ZNF536: variants seen among roughly 807,000 people sequenced by gnomAD.
The protein encoded by ZNF536 is zinc finger protein 536.
Under a neutral mutation model 84.5 loss-of-function variants are expected in ZNF536, and 13 were observed. The ratio of observed to expected loss-of-function variants is 0.15; its 90% CI spans 0.10 to 0.24. ZNF536 has a LOEUF of 0.24. ZNF536 is among the 10% of genes least tolerant of loss of function. ZNF536 has a pLI of 1.00. For missense variants in ZNF536, 1,536 were observed against 1,747.5 expected, an observed-to-expected ratio of 0.88 and a Z score of 2.16; for synonymous variants, 811 against 742.5, an observed-to-expected ratio of 1.09 and a Z score of -1.50.
At chr19:30,563,618 A>G (rs2046251140) in intron 1 of ZNF536, among the ~76,000 whole-genome samples, 1 of 152,186 alleles carries the variant, frequency 6.6e-6, no homozygotes. Flanking sequence ...ATCACCTCTA[A>G]TTTGCACAGG....
intron 1 of ZNF536, among the ~76,000 whole-genome samples, chr19:30,429,596 C>G (rs1355403392): frequency 1.3e-5 from 2 of 152,142 alleles, no homozygotes; most frequent in Non-Finnish European, 2.9e-5. Flanking sequence ...TCACCTGATC[C>G]TTTTTCGAGT....
chr19:30,381,284 T>TGG (rs1388387404), intron 1 of ZNF536, among the ~76,000 whole-genome samples: 1 of 152,206 alleles, frequency 6.6e-6, no homozygotes, highest in Non-Finnish European at 1.5e-5. Context: ...GGCACTGTGC[T>TGG]GGGGACTGGG....
In ZNF536 at chr19:30,405,990, T is replaced by C. The variant is rs2050248151; in HGVS notation, c.-3+33434T>C. 1.3e-5 allele frequency among the ~76,000 whole-genome samples: 2 copies of C among 152,170 alleles called. 1 individual carries two copies. The highest frequency in any genetic ancestry group is 4.1e-4 in the South Asian group (2 of 4,828). On this transcript the variant is annotated intron_variant, in intron 1 of 4. Transcript: ENST00000355537. ...ACGGGATTTACCATGTTGTCCAAGC[T>C]GGTCTTAAACTCCTGACCTCAGGAG...
At chr19:30,685,260 C>T (rs186558168) in intron 1 of ZNF536, among the ~76,000 whole-genome samples, 222 of 152,314 alleles carry the variant, frequency 1.5e-3, no homozygotes, top group African/African-American at 5.0e-3. Flanking sequence ...CTTCATCTTC[C>T]ACAGGGATGC....
At chr19:30,612,282 T>C (rs541324339) in intron 1 of ZNF536, among the ~76,000 whole-genome samples, 5 of 152,250 alleles carry the variant, frequency 3.3e-5, no homozygotes, top group Non-Finnish European at 7.4e-5. Context: ...TCCCCCCAAA[T>C]CCAGTAGGGT....
At chr19:30,624,939 C>T (rs1401220189) in intron 1 of ZNF536, among the ~76,000 whole-genome samples, 1 of 152,162 alleles carries the variant, frequency 6.6e-6, no homozygotes, top group Non-Finnish European at 1.5e-5. Flanking sequence ...TCTCCTGCTG[C>T]CTTGTGAAAA....
At chr19:30,587,424 G>C (rs934465462) in intron 1 of ZNF536, among the ~76,000 whole-genome samples, 1 of 152,062 alleles carries the variant, frequency 6.6e-6, no homozygotes, top group East Asian at 1.9e-4. Flanking sequence ...CCCATTCTCC[G>C]AGCCACTTAA....
intron 2 of ZNF536, among the ~76,000 whole-genome samples, chr19:30,288,786 A>C (rs944113760): frequency 1.3e-5 from 2 of 152,232 alleles, no homozygotes; most frequent in Non-Finnish European, 2.9e-5. Flanking sequence ...GGTTCAAAGT[A>C]GGCATTTAGT....
chr19:30,690,575 C>T (rs1395462935), intron 1 of ZNF536, among the ~76,000 whole-genome samples: 1 of 152,126 alleles, frequency 6.6e-6, no homozygotes, highest in Admixed American at 6.5e-5. Context: ...GATTCACTGG[C>T]ACTAAATGGC....
At position 30,452,012 on chromosome 19, in the gene ZNF536, C is replaced by T. The variant is rs145527887; in HGVS notation, c.2170+6280C>T. On this transcript the variant is annotated intron_variant, in intron 2 of 4. Transcript: ENST00000355537. ...ATTGACTCGAATGGGAGGTTCCAGG[C>T]TCAGGTCTTGACCACCACCTTGGGT... Among the ~76,000 whole-genome samples, 315 of 152,334 alleles carry T rather than the reference C, an allele frequency of 2.1e-3. 1 individual carries two copies. Among genetic ancestry groups the T allele is most frequent in the Middle Eastern group, 0.017 (5 of 294 alleles).
intron 3 of ZNF536, among the ~76,000 whole-genome samples, chr19:30,356,830 C>T (rs2048111284): frequency 1.3e-5 from 2 of 152,226 alleles, no homozygotes; most frequent in African/African-American, 4.8e-5. Context: ...ATTCCATTTT[C>T]CAGATGTGGG....
At chr19:30,650,420 C>A (rs990808505) in intron 1 of ZNF536, among the ~76,000 whole-genome samples, 1 of 152,174 alleles carries the variant, frequency 6.6e-6, no homozygotes, top group Admixed American at 6.5e-5. Context: ...GATTTCTCTC[C>A]TTTTCTTGTT....
chr19:30,671,775 CA>C (rs1235413135), intron 1 of ZNF536, among the ~76,000 whole-genome samples: 6 of 152,186 alleles, frequency 3.9e-5, no homozygotes, highest in Admixed American at 3.3e-4. Context: ...CAAACAGCCT[CA>C]ACTTGGGTGG....
At chr19:30,485,061 G>A (rs1350569605) in intron 2 of ZNF536, among the ~76,000 whole-genome samples, 4 of 151,984 alleles carry the variant, frequency 2.6e-5, no homozygotes, top group African/African-American at 9.7e-5. Flanking sequence ...GGAGAATGGT[G>A]TGAACCCGGA....
rs186288369 is a variant in ZNF536 at position 30,397,042 on chromosome 19, A to G, written c.-3+24486A>G. On this transcript the variant is annotated intron_variant, in intron 1 of 4. Coordinates refer to ENST00000355537, the MANE Select transcript of ZNF536 (RefSeq NM_014717.3). ...TGGCCCTTCCACATCCTATAACTCT[A>G]TGGCTGCAAACCTGGGCACTTAATA... Among the ~76,000 whole-genome samples, 676 of 152,226 alleles carry G rather than the reference A, an allele frequency of 4.4e-3. 3 individuals carry two copies. The highest frequency in any genetic ancestry group is 7.2e-3 in the Non-Finnish European group (491 of 68,008).
At chr19:30,351,192 A>C (rs1371497882) in intron 2 of ZNF536, among the ~76,000 whole-genome samples, 3 of 152,196 alleles carry the variant, frequency 2.0e-5, no homozygotes, top group African/African-American at 7.2e-5. Flanking sequence ...AGTATTTTCT[A>C]AATGCTATTA....
chr19:30,499,912 G>A (rs1053353362), intron 2 of ZNF536, among the ~76,000 whole-genome samples: 1 of 152,094 alleles, frequency 6.6e-6, no homozygotes, highest in African/African-American at 2.4e-5. Flanking sequence ...GAAATGAAGT[G>A]TTCCTCCCCT....
chr19:30,316,136 G>GA (rs2046671380), intron 2 of ZNF536, among the ~76,000 whole-genome samples: 1 of 152,176 alleles, frequency 6.6e-6, no homozygotes, highest in Admixed American at 6.5e-5. Context: ...TAGATTCCTA[G>GA]AAGTAGCATT....
rs562520402 is a variant in ZNF536, at chr19:30,623,140, C to A, written c.169+73626C>A. Among the ~76,000 whole-genome samples the A allele has an allele frequency of 5.3e-5, 8 of 151,472 alleles. 1 individual carries two copies. The South Asian group carries it at 1.5e-3, about 28-fold the overall frequency. ...CTTGACCCTTCTTTTTGTCTCCTAC[C>A]CCATATCCATTCCAACAGCAAATCT... On this transcript the variant is annotated intron_variant, in intron 1 of 1. Transcript: ENST00000592773.
Sources: allele counts gnomAD v4.1 joint callset (sites outside exome capture counted in the v4.1 genomes callset), GRCh38; gene constraint gnomAD v4.1.1; transcripts MANE v1.5; gene names NCBI Gene and HGNC (gene_info 2026-07-23, HGNC 2026-07-21).